SCN9A: variants seen among roughly 807,000 people sequenced by gnomAD.
SCN9A encodes the protein sodium voltage-gated channel alpha subunit 9.
In SCN9A, 131 loss-of-function variants were observed where a neutral mutation model predicts 187.0. That is an observed-to-expected ratio of 0.70 (90% CI 0.61 to 0.81). The LOEUF (loss-of-function observed/expected upper bound fraction) is 0.81, where lower values mean the gene tolerates loss of function less well. Ranked by LOEUF, SCN9A falls within the 30% of genes least tolerant of loss-of-function variation. The pLI, the probability that SCN9A is intolerant of heterozygous loss-of-function variation, is 0.00. For synonymous variants in SCN9A, 809 were observed against 808.6 expected (o/e 1.00, Z -0.01); for missense variants, 2,252 against 2,396.6 (o/e 0.94, Z 1.26).
chr2:166,374,222 C>A (rs918154448), intron 1 of SCN9A, among the ~76,000 whole-genome samples: 1 of 152,148 alleles, frequency 6.6e-6, no homozygotes, highest in Non-Finnish European at 1.5e-5. Flanking sequence ...TATCATATAT[C>A]CAGTCACTGT....
intron 18 of SCN9A, chr2:166,248,251 A>C (rs576828624): frequency 6.6e-6 from 1 of 152,154 alleles, no homozygotes; most frequent in African/African-American, 2.4e-5. Context: ...ATTCTAGCCC[A>C]GCTCTTGTAG....
intron 17 of SCN9A, among the ~76,000 whole-genome samples, chr2:166,260,778 CAAAT>C (rs1485264973): frequency 1.3e-5 from 2 of 151,366 alleles, no homozygotes; most frequent in East Asian, 3.9e-4. Context: ...CTACTATGCA[CAAAT>C]AAAAGAAATG....
rs1559009812 is a variant in SCN9A, at chr2:166,284,340, G to A, written c.1974+113C>T. On this transcript the variant is annotated intron_variant, in intron 12 of 26. Coordinates refer to ENST00000642356, the MANE Select transcript of SCN9A (RefSeq NM_001365536.1). Reference sequence around the variant, plus strand: ...TCAAAGGTGTGTTCCTATAGAAAAAGTATTGCAAAATGCAGAGCCATTCAC... The same window carrying A: ...TCAAAGGTGTGTTCCTATAGAAAAAATATTGCAAAATGCAGAGCCATTCAC... 8.1e-6 allele frequency: 10 copies of A among 1,241,750 alleles called. No homozygotes were observed. The South Asian group carries it at 1.3e-4, about 16-fold the overall frequency. 76.9% of individuals were successfully genotyped at this position (1,241,750 alleles called of 1,614,324 possible). A position where few individuals can be genotyped will look rare whatever the true frequency, so the allele number is the denominator to read the frequency against.
chr2:166,281,788 G>T lies in SCN9A; in HGVS notation c.1995C>A (p.His665Gln), dbSNP rs753751508. 2.5e-6 allele frequency: 4 copies of T among 1,612,012 alleles called. No individual in the cohort carries two copies. The South Asian group carries it at 4.4e-5, about 18-fold the overall frequency. The change falls in exon 13 of 27, where the codon CAC becomes CAA. Residue 665 changes from histidine (H) to glutamine (Q), a missense_variant. By Grantham distance (24) the His-to-Gln change is conservative. Transcript: ENST00000642356. ...GATAGGAACTACAACGCCTTTTCTT[G>T]TGTATTTGATTGGTCGTGCCCTAAA... ...SDDSGTTNQI[H>Q]KKRRCSSYLL...
chr2:166,234,702 C>T (rs1695236570), intron 20 of SCN9A, among the ~76,000 whole-genome samples: 1 of 152,018 alleles, frequency 6.6e-6, no homozygotes, highest in South Asian at 2.1e-4. Context: ...CCATTATTTT[C>T]CACTTAAGAA....
In SCN9A at chr2:166,311,812, T is replaced by G; in HGVS notation, c.-50-6A>C. The G allele has an allele frequency of 6.8e-7, 1 of 1,474,638 alleles. No individual in the cohort carries two copies. Among genetic ancestry groups the G allele is most frequent in the Non-Finnish European group, 9.1e-7 (1 of 1,103,196 alleles). The allele number at this position is 1,474,638 out of a possible 1,614,324, so 91.3% of individuals were successfully genotyped here. Reference sequence around the variant, plus strand: ...CAGCTCCTCACATAAGAGGCCTGGATGGAAACAAAGAAATAAAGACTTAAC... The same window carrying G: ...CAGCTCCTCACATAAGAGGCCTGGAGGGAAACAAAGAAATAAAGACTTAAC... On this transcript the variant is annotated splice_region_variant and splice_polypyrimidine_tract_variant and intron_variant, in intron 1 of 26. Coordinates refer to ENST00000642356, the MANE Select transcript of SCN9A (RefSeq NM_001365536.1).
intron 17 of SCN9A, among the ~76,000 whole-genome samples, chr2:166,257,560 A>G (rs1450677007): frequency 2.0e-5 from 3 of 151,658 alleles, no homozygotes; most frequent in South Asian, 2.1e-4. Flanking sequence ...AGCTTTTGCT[A>G]AAGTGCCATA....
chr2:166,368,399 C>T (rs1023944459), intron 1 of SCN9A, among the ~76,000 whole-genome samples: 6 of 152,040 alleles, frequency 3.9e-5, no homozygotes, highest in Admixed American at 3.9e-4. Flanking sequence ...TTTAGAAGGC[C>T]GAGGTGGGCA....
At chr2:166,275,748 A>C (rs1240918128) in intron 16 of SCN9A, among the ~76,000 whole-genome samples, 1 of 152,192 alleles carries the variant, frequency 6.6e-6, no homozygotes, top group Middle Eastern at 3.2e-3. Context: ...AGGGTGATCA[A>C]CAATTATAGA....
chr2:166,209,782 G>T (rs912445400), intron 24 of SCN9A, among the ~76,000 whole-genome samples: 2 of 151,536 alleles, frequency 1.3e-5, no homozygotes, highest in Non-Finnish European at 2.9e-5. Flanking sequence ...AGTTAGAATG[G>T]TGATCATTAA....
At chr2:166,263,627 G>T (rs1574829657) in intron 17 of SCN9A, among the ~76,000 whole-genome samples, 1 of 152,056 alleles carries the variant, frequency 6.6e-6, no homozygotes, top group East Asian at 1.9e-4. Flanking sequence ...GTTGTGGGTT[G>T]AATTGTAATC....
chr2:166,224,365 G>A (rs1218966323), intron 24 of SCN9A, among the ~76,000 whole-genome samples: 1 of 152,068 alleles, frequency 6.6e-6, no homozygotes, highest in Non-Finnish European at 1.5e-5. Flanking sequence ...GATAAATAAT[G>A]CAATATTTAC....
At chr2:166,365,361 T>A (rs1475441999) in intron 1 of SCN9A, among the ~76,000 whole-genome samples, 1 of 152,138 alleles carries the variant, frequency 6.6e-6, no homozygotes, top group Admixed American at 6.5e-5. Context: ...ATTAGAAACT[T>A]CTCAAACATT....
chr2:166,234,295 T>A (rs2106397070), intron 20 of SCN9A, among the ~76,000 whole-genome samples: 1 of 152,260 alleles, frequency 6.6e-6, no homozygotes, highest in African/African-American at 2.4e-5. Context: ...CTGAATTAGT[T>A]CCATGGAAAA....
intron 8 of SCN9A, among the ~76,000 whole-genome samples, chr2:166,294,213 A>G (rs4340540): frequency 0.079 from 12,069 of 152,250 alleles, 596 homozygotes; most frequent in Admixed American, 0.16. Flanking sequence ...GTCACCTATG[A>G]GTCACATTTA....
intron 17 of SCN9A, among the ~76,000 whole-genome samples, chr2:166,271,342 T>A (rs1422110180): frequency 6.6e-6 from 1 of 152,112 alleles, no homozygotes; most frequent in Non-Finnish European, 1.5e-5. Flanking sequence ...CCAACTGCGA[T>A]TTAAGTATTA....
rs1699353458 is a variant in SCN9A, at chr2:166,325,989, A to G, written c.-50-14183T>C. 2.0e-5 allele frequency among the ~76,000 whole-genome samples: 3 copies of G among 152,274 alleles called. No individual in the cohort carries two copies. The South Asian group carries it at 6.2e-4, about 32-fold the overall frequency. ...TAAGACTTCCCATGATAAAAGAGAA[A>G]TATGTCATCAGGAGAGATGAGAGAG... is the stretch of plus-strand genomic sequence containing the variant. On this transcript the variant is annotated intron_variant, in intron 1 of 26. Coordinates refer to ENST00000642356, the MANE Select transcript of SCN9A (RefSeq NM_001365536.1).
intron 1 of SCN9A, among the ~76,000 whole-genome samples, chr2:166,345,747 C>T (rs894804889): frequency 6.6e-5 from 10 of 152,080 alleles, no homozygotes; most frequent in South Asian, 2.1e-4. Flanking sequence ...AAGATGGTAT[C>T]GCTGGTTATA....
chr2:166,340,576 TTC>T (rs1491097387), intron 1 of SCN9A, among the ~76,000 whole-genome samples: 5,909 of 83,986 alleles, frequency 0.07, 294 homozygotes, highest in African/African-American at 0.17. Flanking sequence ...CTTTCTTTCT[TTC>T]TTTCTTTCTT....
Sources: gnomAD v4.1 joint callset for allele counts (sites outside exome capture counted in the v4.1 genomes callset) on GRCh38, gnomAD v4.1.1 for gene constraint, MANE v1.5 for transcripts, NCBI Gene and HGNC (gene_info 2026-07-23, HGNC 2026-07-21) for gene names.